The following HCN4 variants were observed in gnomAD, a reference collection of about 807,000 sequenced individuals.
HCN4 encodes hyperpolarization activated cyclic nucleotide gated potassium channel 4.
A neutral mutation model predicts 76.9 loss-of-function variants in HCN4; 29 were observed. That is an observed-to-expected ratio of 0.38 (90% confidence interval 0.28 to 0.51). The LOEUF is 0.51. Ranked by LOEUF, HCN4 falls within the 20% of genes least tolerant of loss-of-function variation. HCN4 has a pLI of 0.90. For missense variants in HCN4, 1,416 were observed against 1,715.2 expected (o/e 0.83, Z 3.08); for synonymous variants, 772 against 762.5 (o/e 1.01, Z -0.21).
At chr15:73,324,501 C>T (rs2151215193) in intron 6 of HCN4, among the ~76,000 whole-genome samples, 1 of 152,352 alleles carries the variant, frequency 6.6e-6, no homozygotes, top group East Asian at 1.9e-4. Flanking sequence ...ATATGTTGAA[C>T]CCCTAATCCC....
chr15:73,322,552 T>G lies in HCN4; in HGVS notation c.3541A>C (p.Thr1181Pro), dbSNP rs761260469. The G allele has an allele frequency of 6.2e-6, 10 of 1,606,778 alleles. No homozygotes were observed. In the Admixed American group the frequency reaches 1.5e-4, roughly 24 times the overall value. Residue 1181 changes from threonine (T) to proline (P), a missense_variant, in exon 8 of 8, where the codon ACT (threonine) becomes CCT (proline). Physicochemically the swap from Thr to Pro is conservative, Grantham distance 38. Transcript: ENST00000261917. ...CCAGGTTCCCTCTGGGGTCCAGCAG[T>G]CAGAGGGGGCCCCCCAGAAGAGGTG... ...RATSSGGPPLTAGPQREPGAR... is the reference protein window; with the variant it reads ...RATSSGGPPLPAGPQREPGAR...
Position 73,368,385 on chromosome 15 carries a change from G to T in HCN4, c.-115C>A. The T allele has an allele frequency of 1.5e-6, 1 of 668,072 alleles. No individual in the cohort carries two copies. Among genetic ancestry groups the T allele is most frequent in the Non-Finnish European group, 2.2e-6 (1 of 461,832 alleles). The allele number at this position is 668,072 out of a possible 1,614,324, so 41.4% of individuals were successfully genotyped here. On this transcript the variant is annotated 5_prime_UTR_variant, in exon 1 of 8. Coordinates refer to ENST00000261917, the MANE Select transcript of HCN4 (RefSeq NM_005477.3). This position sits in a 1 kb window ranked among gnomAD's most constrained non-coding sequence, Gnocchi z 6.9. ...TGGGGACGCGTCCTTTGCCGCCGGCGTGGGGGCAGCCTCAGGCGCCCATGC... is the reference window on the plus strand; with the variant it reads ...TGGGGACGCGTCCTTTGCCGCCGGCTTGGGGGCAGCCTCAGGCGCCCATGC...
At chr15:73,331,983 C>G in intron 3 of HCN4, 148 bp downstream of exon 3, 1 of 757,242 alleles carries the variant, frequency 1.3e-6, no homozygotes, top group Non-Finnish European at 2.3e-6. Flanking sequence ...TGGGCCTGTA[C>G]TGGGTAGAGC....
In HCN4 at chr15:73,323,537, C is replaced by A. The variant is rs117819825; in HGVS notation, c.2556G>T (p.Pro852=). The A allele has an allele frequency of 3.7e-6, 6 of 1,600,906 alleles. No individual in the cohort carries two copies. In the African/African-American group the frequency reaches 8.0e-5, roughly 21 times the overall value. The stretch of plus-strand genomic sequence containing the variant: ...GTTGGATGTGGAAGGAGGATGAAGA[C>A]GGTGTGTCCACCTGGGACGGGCTGC... ...PASSPSQVDT[P]SSSSFHIQQL... is the part of the protein sequence containing the mutation. The change falls in exon 8 of 8, where the codon CCG becomes CCT. Residue 852 remains proline (P), a synonymous_variant. Coordinates refer to ENST00000261917, the MANE Select transcript of HCN4 (RefSeq NM_005477.3).
At chr15:73,362,689 C>G (rs139387882) in intron 1 of HCN4, among the ~76,000 whole-genome samples, 2,063 of 152,294 alleles carry the variant, frequency 0.014, 49 homozygotes, top group African/African-American at 0.048. Context: ...GACAGGGAGA[C>G]AGGTCAGCAC....
Position 73,359,331 on chromosome 15 carries a change from A to T in HCN4, c.785+8155T>A, listed in dbSNP as rs545032429. ...GAACACCAAACACCAGCCCCAAACG[A>T]TGAAGAGAGCAGAGTTGGGTGGGGA... On this transcript the variant is annotated intron_variant, in intron 1 of 7. Transcript: ENST00000261917. Among the ~76,000 whole-genome samples the T allele has an allele frequency of 9.9e-5, 15 of 152,282 alleles. No homozygotes were observed. In the South Asian group the frequency reaches 3.1e-3, roughly 32 times the overall value.
In HCN4 at chr15:73,367,734, G is replaced by A. The variant is rs753829397; in HGVS notation, c.537C>T (p.Cys179=). ...TAGCGGTGTCCACCGAGGGCTGCTCGCAGGAGGCGGAGGCCGGCTGCGGTG... is the reference window on the plus strand; with the variant it reads ...TAGCGGTGTCCACCGAGGGCTGCTCACAGGAGGCGGAGGCCGGCTGCGGTG... ...QQPPQPASAS[C]EQPSVDTAIK... is the part of the protein sequence containing the mutation. The change falls in exon 1 of 8, where the codon TGC becomes TGT. Residue 179 remains cysteine (C), a synonymous_variant. Coordinates refer to ENST00000261917, the MANE Select transcript of HCN4 (RefSeq NM_005477.3). The surrounding 1 kb of genome is among the most constrained non-coding windows in gnomAD (Gnocchi z 7.5). The A allele has an allele frequency of 2.5e-5, 40 of 1,587,440 alleles. No individual in the cohort carries two copies. The South Asian group carries it at 4.0e-4, about 16-fold the overall frequency.
intron 7 of HCN4, 31 bp from the exon 8 acceptor site, chr15:73,323,980 G>A: frequency 6.2e-7 from 1 of 1,609,252 alleles, no homozygotes; most frequent in Non-Finnish European, 8.5e-7. Context: ...AGGCACTCAG[G>A]GCAGAGCGGG....
At position 73,322,882 on chromosome 15, in the gene HCN4, T is replaced by C; in HGVS notation, c.3211A>G (p.Thr1071Ala). 6.9e-7 allele frequency: 1 copy of C among 1,439,100 alleles called. No homozygotes were observed. The highest frequency in any genetic ancestry group is 1.4e-5 in the African/African-American group (1 of 69,612). The allele number at this position is 1,439,100 out of a possible 1,614,324, so 89.1% of individuals were successfully genotyped here. ...PPPQVPQRRG[T>A]PPLTPGRLTQ... ...AGGCGGCCGGGGGTGAGCGGGGGTGTGCCCCGGCGCTGGGGGACCTGGGGT... is the reference window on the plus strand; with the variant it reads ...AGGCGGCCGGGGGTGAGCGGGGGTGCGCCCCGGCGCTGGGGGACCTGGGGT... Residue 1071 changes from threonine to alanine, a missense_variant, in exon 8 of 8, where the codon ACA (threonine) becomes GCA (alanine). Around this residue, in one of 6 missense-constraint regions of HCN4, gnomAD observed 633 missense variants for 579.8 expected, o/e 1.09. Transcript: ENST00000261917.
chr15:73,322,230 C>T lies in HCN4; in HGVS notation c.*251G>A. 1 of 435,372 alleles carries T rather than the reference C, an allele frequency of 2.3e-6. No homozygotes were observed. The highest frequency in any genetic ancestry group is 4.3e-6 in the Non-Finnish European group (1 of 234,804). 27.0% of individuals were successfully genotyped at this position (435,372 alleles called of 1,614,324 possible). ...CTTTCTCTGGCTTTTGCATTTGGGA[C>T]CTGCCTGCTCCCTCCTCCCTCCCCC... On this transcript the variant is annotated 3_prime_UTR_variant, in exon 8 of 8. Transcript: ENST00000261917.
At position 73,325,200 on chromosome 15, in the gene HCN4, C is replaced by A. The variant is rs2151215513; in HGVS notation, c.1738-5G>T. On this transcript the variant is annotated splice_polypyrimidine_tract_variant and splice_region_variant and intron_variant, in intron 5 of 7. Transcript: ENST00000261917. The surrounding 1 kb of genome is among the most constrained non-coding windows in gnomAD (Gnocchi z 7.4). ...ACAGTTAAAGTTGATGATCTCCTGC[C>A]GGACAGGGTGGATTGGGACACGGGA... is the stretch of plus-strand genomic sequence containing the variant. 5 of 1,614,024 alleles carry A rather than the reference C, an allele frequency of 3.1e-6. No individual in the cohort carries two copies. In the Admixed American group the frequency reaches 5.0e-5, roughly 16 times the overall value.
chr15:73,327,062 C>T (rs2042904476), intron 4 of HCN4, among the ~76,000 whole-genome samples: 1 of 151,676 alleles, frequency 6.6e-6, no homozygotes, highest in Admixed American at 6.6e-5. Flanking sequence ...GCTGGGATTG[C>T]AGGCATGAGC....
intron 2 of HCN4, among the ~76,000 whole-genome samples, chr15:73,336,597 C>G (rs974326901): frequency 2.0e-5 from 3 of 152,126 alleles, no homozygotes; most frequent in African/African-American, 7.2e-5. Flanking sequence ...GTTCGTGAGG[C>G]TGAGCAACAA....
At chr15:73,358,104 A>G (rs1373727425) in intron 1 of HCN4, among the ~76,000 whole-genome samples, 1 of 151,992 alleles carries the variant, frequency 6.6e-6, no homozygotes, top group African/African-American at 2.4e-5. Context: ...GAACAGGATG[A>G]GGGTCAGGAG....
chr15:73,349,767 T>C (rs914777360), intron 1 of HCN4, among the ~76,000 whole-genome samples: 10 of 152,206 alleles, frequency 6.6e-5, no homozygotes, highest in Non-Finnish European at 1.0e-4. Flanking sequence ...TGCTACCTCC[T>C]GCCTGTGGCA....
rs1567787073 is a variant in HCN4 at position 73,343,736 on chromosome 15, G to A, written c.858C>T (p.Phe286=). 6.2e-7 allele frequency: 1 copy of A among 1,614,096 alleles called. No individual in the cohort carries two copies. Among genetic ancestry groups the A allele is most frequent in the Non-Finnish European group, 8.5e-7 (1 of 1,180,042 alleles). ...NLIIIPVGIT[F]FKDENTTPWI... is the part of the protein sequence containing the mutation. ...AGGGTGTGGTGTTCTCATCCTTGAAGAAGGTGATGCCCACAGGAATGATAA... is the reference window on the plus strand; with the variant it reads ...AGGGTGTGGTGTTCTCATCCTTGAAAAAGGTGATGCCCACAGGAATGATAA... Residue 286 remains phenylalanine, a synonymous_variant, in exon 2 of 8, where the codon TTC becomes TTT. Transcript: ENST00000261917. The surrounding 1 kb of genome is among the most constrained non-coding windows in gnomAD (Gnocchi z 5.7).
chr15:73,343,784 C>CA lies in HCN4; in HGVS notation c.809dup (p.Leu271AlafsTer20), dbSNP rs751569352. 1 of 1,614,096 alleles carries CA rather than the reference C, an allele frequency of 6.2e-7. No homozygotes were observed. The highest frequency in any genetic ancestry group is 8.5e-7 in the Non-Finnish European group (1 of 1,180,026). ...TAATCAGGTTTCCCACCATCAGCAG[C>CA]AGCATGGTCAGGTCCCAGTAAAATC... is the stretch of plus-strand genomic sequence containing the variant. On this transcript the variant is annotated frameshift_variant, in exon 2 of 8. Coordinates refer to ENST00000261917, the MANE Select transcript of HCN4 (RefSeq NM_005477.3). LOFTEE classifies it high-confidence loss of function. The surrounding 1 kb of genome is among the most constrained non-coding windows in gnomAD (Gnocchi z 5.7).
chr15:73,354,072 C>A (rs767461300), intron 1 of HCN4, among the ~76,000 whole-genome samples: 3 of 152,210 alleles, frequency 2.0e-5, no homozygotes, highest in Admixed American at 6.5e-5. Context: ...AGGGCTGCCT[C>A]AGACACAGTC....
chr15:73,343,270 G>T lies in HCN4; in HGVS notation c.1209+115C>A. ...ACTAGTATTTGTCCTCTTGGAGCAG[G>T]TGTGCCTGCCACAATCTGACAGCCT... is the stretch of plus-strand genomic sequence containing the variant. On this transcript the variant is annotated intron_variant, in intron 2 of 7. Transcript: ENST00000261917. This position sits in a 1 kb window ranked among gnomAD's most constrained non-coding sequence, Gnocchi z 5.7. 2 of 985,164 alleles carry T rather than the reference G, an allele frequency of 2.0e-6. No individual in the cohort carries two copies. The highest frequency in any genetic ancestry group is 3.2e-6 in the Non-Finnish European group (2 of 633,568). 61.0% of individuals were successfully genotyped at this position (985,164 alleles called of 1,614,324 possible).
Sources: gnomAD v4.1 joint callset for allele counts (sites outside exome capture counted in the v4.1 genomes callset) on GRCh38, gnomAD v4.1.1 for gene constraint, gnomAD v4.1.1 regional missense constraint, Gnocchi (gnomAD v3.1) non-coding constraint, MANE v1.5 for transcripts, NCBI Gene and HGNC (gene_info 2026-07-23, HGNC 2026-07-21) for gene names.